The following TCF20 variants were observed in gnomAD, a reference collection of about 807,000 sequenced individuals.
TCF20 encodes the protein transcription factor 20.
In TCF20, 3 loss-of-function variants were observed where a neutral mutation model predicts 148.6. The observed-to-expected ratio is 0.02, with a 90% CI of 0.01 to 0.05. The LOEUF (loss-of-function observed/expected upper bound fraction) is 0.05. Among genes scored for constraint, TCF20 ranks in the 10% least tolerant of loss-of-function variants. TCF20 has a pLI of 1.00. For synonymous variants in TCF20, 1,049 were observed against 909.5 expected, an observed-to-expected ratio of 1.15 and a Z score of -2.76; for missense variants, 2,350 against 2,429.3, an observed-to-expected ratio of 0.97 and a Z score of 0.69.
chr22:42,235,039 G>A (rs1276810916), intron 1 of TCF20, among the ~76,000 whole-genome samples: 1 of 151,952 alleles, frequency 6.6e-6, no homozygotes, highest in South Asian at 2.1e-4. Context: ...ATACTCGGGA[G>A]GCTGAGGCAG....
At chr22:42,233,784 C>G (rs1923639135) in intron 1 of TCF20, among the ~76,000 whole-genome samples, 1 of 152,164 alleles carries the variant, frequency 6.6e-6, no homozygotes, top group Non-Finnish European at 1.5e-5. Flanking sequence ...TTTCCATAAT[C>G]CCTACCTGCA....
rs967761243 is a variant in TCF20 at position 42,341,005 on chromosome 22, G to A, written c.-37+2474C>T. On this transcript the variant is annotated intron_variant, in intron 1 of 1. Coordinates refer to the TCF20 transcript ENST00000515426. ...GTCAGCCTGGGAGCCCCGCGGAGCT[G>A]CGGGGCGCGCAGCTCTGCTCCCAAT... 3.3e-5 allele frequency among the ~76,000 whole-genome samples: 5 copies of A among 152,080 alleles called. No individual in the cohort carries two copies. In the East Asian group the frequency reaches 9.8e-4, roughly 30 times the overall value.
At chr22:42,232,390 A>ATT (rs1923497966) in intron 1 of TCF20, among the ~76,000 whole-genome samples, 1 of 151,608 alleles carries the variant, frequency 6.6e-6, no homozygotes, top group Non-Finnish European at 1.5e-5. Context: ...CTGAGGCATG[A>ATT]TTGTACCAAA....
Position 42,168,602 on chromosome 22 carries a change from G to A in TCF20, c.*44+7C>T, listed in dbSNP as rs373050372. ...AGGATGCAGGGAGCCCGGTGGCCCCGACTCACCTGTGCTTGCTGTCCTTTC... is the reference window on the plus strand; with the variant it reads ...AGGATGCAGGGAGCCCGGTGGCCCCAACTCACCTGTGCTTGCTGTCCTTTC... On this transcript the variant is annotated splice_region_variant and intron_variant, in intron 5 of 5. Coordinates refer to ENST00000677622, the MANE Select transcript of TCF20 (RefSeq NM_001378418.1). 1,097 of 1,557,594 alleles carry A rather than the reference G, an allele frequency of 7.0e-4. 1 individual carries two copies. Among genetic ancestry groups the A allele is most frequent in the Non-Finnish European group, 6.7e-4 (773 of 1,153,322 alleles).
chr22:42,164,212 C>CTTTTTTTTTTTTTT (rs56079117), intron 5 of TCF20, among the ~76,000 whole-genome samples: 1 of 83,556 alleles, frequency 1.2e-5, no homozygotes, highest in African/African-American at 4.8e-5. Context: ...TCATTTCTTT[C>CTTTTTTTTTTTTTT]TTTTTTTTTT....
At chr22:42,208,693 GATAAAAC>G (rs904755802) in intron 2 of TCF20, among the ~76,000 whole-genome samples, 1 of 152,040 alleles carries the variant, frequency 6.6e-6, no homozygotes, top group African/African-American at 2.4e-5. Flanking sequence ...AAGATAATGA[GATAAAAC>G]ATAAAACAGA....
chr22:42,222,177 T>C (rs541356224), intron 1 of TCF20, among the ~76,000 whole-genome samples: 2 of 152,348 alleles, frequency 1.3e-5, no homozygotes, highest in East Asian at 3.9e-4. Flanking sequence ...CATTTATTAT[T>C]AGGCAGTAAC....
At chr22:42,215,493 A>T in intron 1 of TCF20, 152 bp from the exon 2 acceptor site, 1 of 1,016,960 alleles carries the variant, frequency 9.8e-7, no homozygotes, top group Non-Finnish European at 1.4e-6. Flanking sequence ...TTTTTGAGAC[A>T]AGAGTCTCAC....
At chr22:42,305,963 C>G (rs906910435) in intron 1 of TCF20, among the ~76,000 whole-genome samples, 6 of 152,224 alleles carry the variant, frequency 3.9e-5, no homozygotes, top group Non-Finnish European at 7.3e-5. Context: ...CTTCATGGTC[C>G]AGCAAAGGCT....
At chr22:42,246,294 A>G (rs1295797175) in intron 1 of TCF20, among the ~76,000 whole-genome samples, 2 of 152,140 alleles carry the variant, frequency 1.3e-5, no homozygotes, top group African/African-American at 4.8e-5. Flanking sequence ...TGGTAGAGAC[A>G]GGGTTTCGCC....
chr22:42,272,913 G>A (rs1193339691), upstream of TCF20, among the ~76,000 whole-genome samples: 1 of 152,198 alleles, frequency 6.6e-6, no homozygotes, highest in Non-Finnish European at 1.5e-5. Flanking sequence ...TGTAATCCCA[G>A]CACTTTGGGA....
At chr22:42,267,355 TAACA>T (rs763045541) in intron 1 of TCF20, among the ~76,000 whole-genome samples, 1 of 152,170 alleles carries the variant, frequency 6.6e-6, no homozygotes, top group Non-Finnish European at 1.5e-5. Context: ...ATTCAAATCC[TAACA>T]AACTGTTTAT....
chr22:42,295,205 T>A (rs538045422), intron 1 of TCF20, among the ~76,000 whole-genome samples: 1 of 152,298 alleles, frequency 6.6e-6, no homozygotes, highest in South Asian at 2.1e-4. Context: ...GAGAAGACAG[T>A]AACATTTGAG....
Position 42,317,408 on chromosome 22 carries a change from G to A in TCF20, c.-37+26071C>T, listed in dbSNP as rs1052987363. Among the ~76,000 whole-genome samples the A allele has an allele frequency of 1.1e-4, 16 of 152,140 alleles. No homozygotes were observed. Among genetic ancestry groups the A allele is most frequent in the Admixed American group, 3.9e-4 (6 of 15,280 alleles). On this transcript the variant is annotated intron_variant, in intron 1 of 1. Coordinates refer to the TCF20 transcript ENST00000515426. This position sits in a 1 kb window ranked among gnomAD's most constrained non-coding sequence, Gnocchi z 4.2. The stretch of plus-strand genomic sequence containing the variant: ...GGAAGGAGGGGCGGCGCTGGGTGAC[G>A]GAGCTTCGATTTAAACACAGATGAC...
intron 1 of TCF20, among the ~76,000 whole-genome samples, chr22:42,293,931 C>T (rs544188690): frequency 2.0e-5 from 3 of 152,338 alleles, no homozygotes; most frequent in South Asian, 2.1e-4. Context: ...ACCCTGGAGC[C>T]GGAGGTTGCA....
rs1935402589 is a variant in TCF20, at chr22:42,160,867, A to G, written c.*536T>C. 6.5e-6 allele frequency: 1 copy of G among 152,782 alleles called. No homozygotes were observed. Among genetic ancestry groups the G allele is most frequent in the Non-Finnish European group, 1.5e-5 (1 of 68,572 alleles). 9.5% of individuals were successfully genotyped at this position (152,782 alleles called of 1,614,324 possible). ...TTTCTGAACTGGTGTGAGACAGGCT[A>G]AAGATCAACGCCACACACACACCCC... On this transcript the variant is annotated 3_prime_UTR_variant, in exon 6 of 6. Transcript: ENST00000677622.
intron 1 of TCF20, among the ~76,000 whole-genome samples, chr22:42,249,269 A>G (rs889042004): frequency 1.3e-5 from 2 of 152,176 alleles, no homozygotes; most frequent in Non-Finnish European, 1.5e-5. Context: ...CTGGCATCCC[A>G]GGGTCTCAAG....
intron 1 of TCF20, among the ~76,000 whole-genome samples, chr22:42,323,754 C>A (rs1420303574): frequency 6.6e-6 from 1 of 151,208 alleles, no homozygotes; most frequent in Non-Finnish European, 1.5e-5. Flanking sequence ...GCTTCCTCAT[C>A]TGTAAAACGG....
Position 42,161,028 on chromosome 22 carries a change from A to T in TCF20, c.*375T>A, listed in dbSNP as rs1156827041. The stretch of plus-strand genomic sequence containing the variant: ...GGGATAGCGCACCTTTCATTTAAAC[A>T]AAGTCTTTCCAGACTAAAAATAGAT... On this transcript the variant is annotated 3_prime_UTR_variant, in exon 6 of 6. Transcript: ENST00000677622. The T allele has an allele frequency of 2.2e-5, 6 of 274,082 alleles. No homozygotes were observed. Among genetic ancestry groups the T allele is most frequent in the Non-Finnish European group, 3.4e-5 (5 of 147,832 alleles). 17.0% of individuals were successfully genotyped at this position (274,082 alleles called of 1,614,324 possible).
Sources: allele counts gnomAD v4.1 joint callset (sites outside exome capture counted in the v4.1 genomes callset), GRCh38; gene constraint gnomAD v4.1.1; non-coding constraint Gnocchi (gnomAD v3.1); transcripts MANE v1.5; gene names NCBI Gene and HGNC (gene_info 2026-07-23, HGNC 2026-07-21).